The following NCOA3 variants were observed in gnomAD, a reference collection of about 807,000 sequenced individuals.
The protein encoded by NCOA3 is CBP-interacting protein.
Under a neutral mutation model 158.8 loss-of-function variants are expected in NCOA3, and 51 were observed. The observed-to-expected ratio is 0.32, with a 90% CI of 0.26 to 0.41. The LOEUF is 0.41. Among genes scored for constraint, NCOA3 ranks in the 10% least tolerant of loss-of-function variants. The pLI is 1.00. For missense variants in NCOA3, 1,510 were observed against 1,746.6 expected (o/e 0.86, Z 2.41); for synonymous variants, 537 against 592.4 (o/e 0.91, Z 1.36).
intron 17 of NCOA3, among the ~76,000 whole-genome samples, chr20:47,646,111 T>C (rs570745806): frequency 6.6e-6 from 1 of 152,332 alleles, no homozygotes; most frequent in African/African-American, 2.4e-5. Flanking sequence ...GTCCCTTATA[T>C]AAAACAGTCT....
intron 2 of NCOA3, among the ~76,000 whole-genome samples, chr20:47,617,729 G>T (rs1568729554): frequency 6.6e-6 from 1 of 152,032 alleles, no homozygotes. Flanking sequence ...TATTATTTTG[G>T]GGACCAGAAA....
chr20:47,526,028 C>A (rs1220174730), intron 1 of NCOA3, among the ~76,000 whole-genome samples: 1 of 150,568 alleles, frequency 6.6e-6, no homozygotes, highest in Admixed American at 6.6e-5. Context: ...GGCGGAGGGG[C>A]TCCTCACTTC....
rs2086701247 is a variant in NCOA3 at position 47,647,214 on chromosome 20, TCAC to T, written c.3397_3399del (p.Pro1133del). ...AGGAGGCTTTCATCTTCAGGGACAA[TCAC>T]CATCTTTTAACTCTATGATGAATCA... On this transcript the variant is annotated inframe_deletion, in exon 18 of 23. Coordinates refer to ENST00000371998, the MANE Select transcript of NCOA3 (RefSeq NM_181659.3). 6.2e-7 allele frequency: 1 copy of T among 1,614,020 alleles called. No homozygotes were observed.
chr20:47,589,015 A>T (rs2085581863), intron 2 of NCOA3, among the ~76,000 whole-genome samples: 1 of 151,942 alleles, frequency 6.6e-6, no homozygotes, highest in South Asian at 2.1e-4. Flanking sequence ...CAGCCTCCCA[A>T]GTATCTGGGA....
In NCOA3 at chr20:47,553,968, C is replaced by T. The variant is rs555004762; in HGVS notation, c.-98-29215C>T. Among the ~76,000 whole-genome samples, 8 of 152,264 alleles carry T rather than the reference C, an allele frequency of 5.3e-5. No individual in the cohort carries two copies. The East Asian group carries it at 5.8e-4, about 11-fold the overall frequency. The stretch of plus-strand genomic sequence containing the variant: ...TTCTAGTTCTAGATCCCTGAGGAAT[C>T]GCCACACCGACTTCCACAATGGTTG... On this transcript the variant is annotated intron_variant, in intron 1 of 22. Coordinates refer to ENST00000371998, the MANE Select transcript of NCOA3 (RefSeq NM_181659.3).
chr20:47,646,050 G>A (rs2086680536), intron 17 of NCOA3, among the ~76,000 whole-genome samples: 1 of 152,146 alleles, frequency 6.6e-6, no homozygotes, highest in African/African-American at 2.4e-5. Context: ...TGACATCTGT[G>A]AGGGGTTGGT....
chr20:47,617,466 C>G (rs2086158298), intron 2 of NCOA3, among the ~76,000 whole-genome samples: 2 of 152,206 alleles, frequency 1.3e-5, no homozygotes, highest in South Asian at 4.1e-4. Context: ...ATTCCCCTCT[C>G]TCATCTTCAT....
At chr20:47,555,199 C>G (rs142102545) in intron 1 of NCOA3, among the ~76,000 whole-genome samples, 1 of 152,296 alleles carries the variant, frequency 6.6e-6, no homozygotes, top group African/African-American at 2.4e-5. Flanking sequence ...TATATGCCAG[C>G]TAACGTTTGT....
intron 1 of NCOA3, among the ~76,000 whole-genome samples, chr20:47,514,898 T>C (rs1164378787): frequency 6.6e-6 from 1 of 151,600 alleles, no homozygotes; most frequent in African/African-American, 2.4e-5. Context: ...TTGGCCAGGC[T>C]GGTCTTGAAC....
chr20:47,596,400 C>T (rs1190140820), intron 2 of NCOA3, among the ~76,000 whole-genome samples: 1 of 152,056 alleles, frequency 6.6e-6, no homozygotes, highest in Non-Finnish European at 1.5e-5. Flanking sequence ...ATTCATTTTT[C>T]AAATCTGCAA....
intron 1 of NCOA3, among the ~76,000 whole-genome samples, chr20:47,561,227 A>G (rs1276246211): frequency 6.7e-6 from 1 of 149,626 alleles, no homozygotes; most frequent in Non-Finnish European, 1.5e-5. Context: ...TGCTTGCTTC[A>G]GCCTCCTAAA....
In NCOA3 at chr20:47,651,225, C is replaced by T. The variant is rs2086790168; in HGVS notation, c.3895C>T (p.Pro1299Ser). 6.2e-7 allele frequency: 1 copy of T among 1,613,524 alleles called. No individual in the cohort carries two copies. Among genetic ancestry groups the T allele is most frequent in the Non-Finnish European group, 8.5e-7 (1 of 1,179,608 alleles). Residue 1299 changes from proline to serine, a missense_variant, in exon 20 of 23, where the codon CCC (proline) becomes TCC (serine). Physicochemically the swap from Pro to Ser is moderately conservative, Grantham distance 74 (BLOSUM62 -1). This residue lies in a region of NCOA3 where 180 missense variants were observed against 199.3 expected (regional missense o/e 0.90). Transcript: ENST00000371998. ...CAGCATGGATGGGCTTTTGGCAGGA[C>T]CCACAATGCCACAAGCTCCTCCGCA... ...SPSMDGLLAG[P>S]TMPQAPPQQF...
At chr20:47,627,349 A>G (rs1330027730) in intron 6 of NCOA3, among the ~76,000 whole-genome samples, 173 bp downstream of exon 6, 1 of 152,244 alleles carries the variant, frequency 6.6e-6, no homozygotes, top group Non-Finnish European at 1.5e-5. Context: ...TTTGGTATAC[A>G]TTTTAAGAGG....
At chr20:47,648,854 AGT>A (rs1176355076) in intron 18 of NCOA3, 149 bp from the exon 19 acceptor site, 11 of 569,744 alleles carry the variant, frequency 1.9e-5, no homozygotes, top group African/African-American at 3.8e-5. Context: ...ACCTTTTTGC[AGT>A]GTGAAAGTAC....
chr20:47,611,262 T>A (rs2086038567), intron 2 of NCOA3, among the ~76,000 whole-genome samples: 1 of 151,782 alleles, frequency 6.6e-6, no homozygotes, highest in South Asian at 2.1e-4. Flanking sequence ...TCTGTGCACA[T>A]ACCCACTGTC....
chr20:47,514,420 C>T (rs2084197807), intron 1 of NCOA3, among the ~76,000 whole-genome samples: 1 of 151,930 alleles, frequency 6.6e-6, no homozygotes, highest in Admixed American at 6.6e-5. Context: ...TTGAGACGGT[C>T]TCTGTTGCCC....
chr20:47,530,578 T>G (rs1417793244), intron 1 of NCOA3, among the ~76,000 whole-genome samples: 1 of 151,202 alleles, frequency 6.6e-6, no homozygotes, highest in Non-Finnish European at 1.5e-5. Context: ...TTCTTCTGCC[T>G]CAGCCTCCCA....
intron 1 of NCOA3, among the ~76,000 whole-genome samples, chr20:47,515,828 A>G (rs538713965): frequency 2.0e-5 from 3 of 152,304 alleles, no homozygotes; most frequent in Admixed American, 6.5e-5. Flanking sequence ...TTTCTGTGGT[A>G]TATCCAGACA....
intron 1 of NCOA3, among the ~76,000 whole-genome samples, chr20:47,548,386 T>C (rs1241145428): frequency 2.6e-5 from 4 of 151,210 alleles, no homozygotes; most frequent in African/African-American, 4.9e-5. Flanking sequence ...CTACTAAAAA[T>C]ACAAAAAATT....
Sources: allele counts gnomAD v4.1 joint callset (sites outside exome capture counted in the v4.1 genomes callset), GRCh38; gene constraint gnomAD v4.1.1; regional missense constraint gnomAD v4.1.1; transcripts MANE v1.5; gene names NCBI Gene and HGNC (gene_info 2026-07-23, HGNC 2026-07-21).